The following MAPK8IP3 variants were observed in gnomAD, a reference collection of about 807,000 sequenced individuals.
The protein encoded by MAPK8IP3 is mitogen-activated protein kinase 8 interacting protein 3.
A neutral mutation model predicts 157.8 loss-of-function variants in MAPK8IP3; 49 were observed. The observed-to-expected ratio is 0.31, with a 90% confidence interval of 0.25 to 0.39. MAPK8IP3 has a LOEUF of 0.39. MAPK8IP3 is among the 10% of genes least tolerant of loss of function. The pLI, the probability that MAPK8IP3 is intolerant of heterozygous loss-of-function variation, is 1.00. For missense variants in MAPK8IP3, 1,478 were observed against 1,889.4 expected (o/e 0.78, Z 4.04); for synonymous variants, 897 against 777.7 (o/e 1.15, Z -2.55).
chr16:1,709,759 C>T (rs2037646334), intron 1 of MAPK8IP3, among the ~76,000 whole-genome samples: 1 of 152,374 alleles, frequency 6.6e-6, no homozygotes, highest in Middle Eastern at 3.4e-3. Flanking sequence ...CCACGTTTGC[C>T]GGGCTTACCC....
At chr16:1,745,046 G>A (rs866625168) in intron 5 of MAPK8IP3, 50 of 985,262 alleles carry the variant, frequency 5.1e-5, no homozygotes, top group Admixed American at 1.2e-4. Context: ...TTCTTTCAGT[G>A]CATTTGGAGG....
intron 1 of MAPK8IP3, among the ~76,000 whole-genome samples, chr16:1,712,882 C>G (rs1443266048): frequency 6.6e-6 from 1 of 152,246 alleles, no homozygotes; most frequent in Non-Finnish European, 1.5e-5. Flanking sequence ...GCCTGGGGAG[C>G]TGGGCCCCCA....
chr16:1,748,976 C>T, intron 8 of MAPK8IP3: 6 of 617,384 alleles, frequency 9.7e-6, no homozygotes, highest in South Asian at 8.8e-5. Flanking sequence ...GTGTTTGCAC[C>T]CTCCCGTGTA....
chr16:1,763,837 GTA>G, intron 17 of MAPK8IP3, 54 bp downstream of exon 17: 2 of 375,120 alleles, frequency 5.3e-6, no homozygotes, highest in Non-Finnish European at 9.6e-6. Flanking sequence ...CGGGGCGGGG[GTA>G]AGGGGCGGGG....
chr16:1,743,022 G>A lies in MAPK8IP3; in HGVS notation c.603-310G>A, dbSNP rs2040768005. ...AGGCAGGAGAATGGCGTGAACCTGG[G>A]AGGTGGAACTTGCAGTGAGCCAAGT... On this transcript the variant is annotated intron_variant, in intron 4 of 31. Transcript: ENST00000610761. The surrounding 1 kb of genome is among the most constrained non-coding windows in gnomAD (Gnocchi z 5.6). 6.6e-6 allele frequency among the ~76,000 whole-genome samples: 1 copy of A among 152,210 alleles called. No individual in the cohort carries two copies. The highest frequency in any genetic ancestry group is 1.9e-4 in the East Asian group (1 of 5,178).
Position 1,766,967 on chromosome 16 carries a change from T to G in MAPK8IP3, c.3084T>G (p.Gly1028=). 6.3e-7 allele frequency: 1 copy of G among 1,587,222 alleles called. No homozygotes were observed. The highest frequency in any genetic ancestry group is 8.6e-7 in the Non-Finnish European group (1 of 1,164,266). ...ADGTLAIFHR[G]EDGQWDLSNY... Reference sequence around the variant, plus strand: ...GGACCCTGGCCATCTTCCACCGTGGTGAAGGTGGGGCCTGGCAGCACGGGG... The same window carrying G: ...GGACCCTGGCCATCTTCCACCGTGGGGAAGGTGGGGCCTGGCAGCACGGGG... Residue 1028 remains glycine (G), a synonymous_variant, in exon 25 of 32, where the codon GGT becomes GGG. Coordinates refer to ENST00000610761, the MANE Select transcript of MAPK8IP3 (RefSeq NM_001318852.2).
chr16:1,729,677 G>A lies in MAPK8IP3; in HGVS notation c.602+99G>A, dbSNP rs2039162617. 10 of 1,126,970 alleles carry A rather than the reference G, an allele frequency of 8.9e-6. No homozygotes were observed. In the East Asian group the frequency reaches 1.3e-4, roughly 15 times the overall value. 69.8% of individuals were successfully genotyped at this position (1,126,970 alleles called of 1,614,324 possible). Reference sequence around the variant, plus strand: ...AGGGTCGTAGTGCTTGTTATGGCCCGCGCTCTGGGCTCAGGACGACAGGGA... The same window carrying A: ...AGGGTCGTAGTGCTTGTTATGGCCCACGCTCTGGGCTCAGGACGACAGGGA... On this transcript the variant is annotated intron_variant, in intron 4 of 31. Coordinates refer to ENST00000610761, the MANE Select transcript of MAPK8IP3 (RefSeq NM_001318852.2).
intron 20 of MAPK8IP3, 129 bp downstream of exon 20, chr16:1,765,307 G>C: frequency 8.7e-7 from 1 of 1,144,852 alleles, no homozygotes; most frequent in Non-Finnish European, 1.2e-6. Flanking sequence ...GGCAGTGGAC[G>C]GTGGGAGGGG....
At chr16:1,733,251 C>T (rs1441886739) in intron 4 of MAPK8IP3, among the ~76,000 whole-genome samples, 4 of 152,072 alleles carry the variant, frequency 2.6e-5, no homozygotes, top group African/African-American at 9.7e-5. Flanking sequence ...GCAGGAGGAG[C>T]CCAGCAACAG....
At chr16:1,739,516 G>A (rs532630463) in intron 4 of MAPK8IP3, among the ~76,000 whole-genome samples, 8 of 129,922 alleles carry the variant, frequency 6.2e-5, no homozygotes, top group Admixed American at 1.5e-4. Flanking sequence ...GTGTGTGACC[G>A]TCCGTGTGAG....
rs1268872606 is a variant in MAPK8IP3 at position 1,743,853 on chromosome 16, A to G, written c.747+377A>G. ...GCTCACCCGGGCTCCAGCCAGACAC[A>G]TCCTGCCCCTGAGAGCCACGCCTCT... is the stretch of plus-strand genomic sequence containing the variant. On this transcript the variant is annotated intron_variant, in intron 5 of 31. Coordinates refer to ENST00000610761, the MANE Select transcript of MAPK8IP3 (RefSeq NM_001318852.2). The surrounding 1 kb of genome is among the most constrained non-coding windows in gnomAD (Gnocchi z 5.6). The G allele has an allele frequency of 1.8e-6, 2 of 1,103,306 alleles. No homozygotes were observed. The highest frequency in any genetic ancestry group is 7.8e-5 in the East Asian group (1 of 12,880). 68.3% of individuals were successfully genotyped at this position (1,103,306 alleles called of 1,614,324 possible).
chr16:1,757,226 G>A (rs766456488), intron 8 of MAPK8IP3, among the ~76,000 whole-genome samples: 68 of 152,064 alleles, frequency 4.5e-4, no homozygotes, highest in African/African-American at 1.6e-3. Context: ...TGCCTCAGCC[G>A]CCCGAGTAGC....
At chr16:1,755,123 A>G (rs2141893618) in intron 8 of MAPK8IP3, among the ~76,000 whole-genome samples, 1 of 152,378 alleles carries the variant, frequency 6.6e-6, no homozygotes, top group East Asian at 1.9e-4. Flanking sequence ...CAGTTGAGGC[A>G]GGCAGCAACA....
chr16:1,737,849 ACCAT>A (rs1434315816), intron 4 of MAPK8IP3, among the ~76,000 whole-genome samples: 1 of 78,430 alleles, frequency 1.3e-5, no homozygotes, highest in Non-Finnish European at 2.4e-5. Context: ...CGTGTGTGTG[ACCAT>A]CCATGTGAGC....
chr16:1,759,109 G>A, intron 10 of MAPK8IP3, 114 bp downstream of exon 10: 1 of 1,407,910 alleles, frequency 7.1e-7, no homozygotes, highest in Non-Finnish European at 1.0e-6. Flanking sequence ...GGGCCGCCGG[G>A]GTCAGGGGGG....
chr16:1,717,242 A>C (rs2038213390), intron 1 of MAPK8IP3, among the ~76,000 whole-genome samples: 1 of 150,318 alleles, frequency 6.7e-6, no homozygotes, highest in South Asian at 2.1e-4. Context: ...TCTCAAAAAA[A>C]AAAAAAAAAA....
Position 1,766,006 on chromosome 16 carries a change from C to G in MAPK8IP3, c.2493C>G (p.Ser831Arg). 1 of 1,612,762 alleles carries G rather than the reference C, an allele frequency of 6.2e-7. No individual in the cohort carries two copies. The highest frequency in any genetic ancestry group is 1.3e-5 in the African/African-American group (1 of 75,048). ...CTCCCGGGGAGATGTTCCTGGACAG[C>G]GACGTGAACCCAGAGGACCCGGGCG... is the stretch of plus-strand genomic sequence containing the variant. ...DYPPGEMFLD[S>R]DVNPEDPGAD... Residue 831 changes from serine to arginine, a missense_variant, in exon 21 of 32, where the codon AGC becomes AGG. Physicochemically the swap from Ser to Arg is moderately radical, Grantham distance 110. This residue lies in a region of MAPK8IP3 where 669 missense variants were observed against 759.8 expected (regional missense o/e 0.88). Transcript: ENST00000610761.
chr16:1,712,792 C>T (rs2037876883), intron 1 of MAPK8IP3, among the ~76,000 whole-genome samples: 1 of 152,194 alleles, frequency 6.6e-6, no homozygotes, highest in Admixed American at 6.5e-5. Flanking sequence ...CTGGCTAGTT[C>T]CCGTCTCTGC....
intron 13 of MAPK8IP3, among the ~76,000 whole-genome samples, chr16:1,761,687 G>A (rs1330288078): frequency 2.7e-5 from 4 of 150,276 alleles, no homozygotes; most frequent in East Asian, 2.0e-4. Context: ...CAGGCGGGGC[G>A]GCCACCATTC....
Sources: gnomAD v4.1 joint callset for allele counts (sites outside exome capture counted in the v4.1 genomes callset) on GRCh38, gnomAD v4.1.1 for gene constraint, gnomAD v4.1.1 regional missense constraint, Gnocchi (gnomAD v3.1) non-coding constraint, MANE v1.5 for transcripts, NCBI Gene and HGNC (gene_info 2026-07-23, HGNC 2026-07-21) for gene names.